HRH1: variants seen among roughly 807,000 people sequenced by gnomAD.
HRH1 encodes histamine receptor H1, also known as histamine H1 receptor.
In HRH1, 6 loss-of-function variants were observed where a neutral mutation model predicts 10.3. That is an observed-to-expected ratio of 0.58 (90% confidence interval 0.32 to 1.15). HRH1 has a LOEUF of 1.15. HRH1 is among the 50% of genes most tolerant of loss of function. The probability of loss-of-function intolerance (pLI) is 0.05; values close to 1 mark genes in which losing one functional copy is unlikely to be tolerated. For missense variants in HRH1, 514 were observed against 615.3 expected (o/e 0.84, Z 1.74); for synonymous variants, 242 against 236.7 (o/e 1.02, Z -0.21).
At chr3:11,195,675 C>G (rs1937628004) in intron 1 of HRH1, among the ~76,000 whole-genome samples, 1 of 152,214 alleles carries the variant, frequency 6.6e-6, no homozygotes, top group Admixed American at 6.5e-5. Context: ...CCAGGACTCT[C>G]TGGGTTGCCA....
intron 1 of HRH1, among the ~76,000 whole-genome samples, chr3:11,188,323 C>G (rs897019045): frequency 1.2e-4 from 18 of 152,120 alleles, no homozygotes; most frequent in Admixed American, 8.5e-4. Context: ...AGAATCAGGC[C>G]AGGTGAGGTG....
At chr3:11,168,561 C>T (rs1445721746) in intron 1 of HRH1, among the ~76,000 whole-genome samples, 5 of 152,200 alleles carry the variant, frequency 3.3e-5, no homozygotes, top group Admixed American at 6.5e-5. Context: ...CCAGTCACCC[C>T]GGTGGACTCA....
chr3:11,221,249 TG>T (rs1321301117), intron 1 of HRH1, among the ~76,000 whole-genome samples: 9 of 152,232 alleles, frequency 5.9e-5, no homozygotes, highest in Non-Finnish European at 2.9e-5. Context: ...TTTTTAATTG[TG>T]GTAAAATATC....
In HRH1 at chr3:11,260,921, A is replaced by C. The variant is rs892092279; in HGVS notation, c.*420A>C. 1 of 184,292 alleles carries C rather than the reference A, an allele frequency of 5.4e-6. No homozygotes were observed. The highest frequency in any genetic ancestry group is 2.4e-5 in the African/African-American group (1 of 41,762). 11.4% of individuals were successfully genotyped at this position (184,292 alleles called of 1,614,324 possible). A position where few individuals can be genotyped will look rare whatever the true frequency, so the allele number is the denominator to read the frequency against. ...ACACGTGGCTAGGGTTCCACTGGAGAATTGAAAAGGACTCTTGAGCCCTCC... is the reference window on the plus strand; with the variant it reads ...ACACGTGGCTAGGGTTCCACTGGAGCATTGAAAAGGACTCTTGAGCCCTCC... On this transcript the variant is annotated 3_prime_UTR_variant, in exon 2 of 2. Transcript: ENST00000431010.
Position 11,250,385 on chromosome 3 carries a change from G to T in HRH1, c.-35-8618G>T, listed in dbSNP as rs1001051408. 2.6e-5 allele frequency among the ~76,000 whole-genome samples: 4 copies of T among 151,964 alleles called. No individual in the cohort carries two copies. In the South Asian group the frequency reaches 6.2e-4, roughly 24 times the overall value. On this transcript the variant is annotated intron_variant, in intron 1 of 1. Coordinates refer to ENST00000431010, the MANE Select transcript of HRH1 (RefSeq NM_001098212.2). ...CTTTTCTCTTTAACGTTACATTTTC[G>T]GGGGTAGGTACTTTGGAGAGGGGTA...
At chr3:11,221,882 G>GA (rs1245328832) in intron 1 of HRH1, among the ~76,000 whole-genome samples, 1 of 152,132 alleles carries the variant, frequency 6.6e-6, no homozygotes, top group African/African-American at 2.4e-5. Flanking sequence ...TTACTTAGCA[G>GA]AATGTCCTCA....
intron 1 of HRH1, among the ~76,000 whole-genome samples, chr3:11,245,578 G>T (rs182940554): frequency 6.6e-6 from 1 of 152,126 alleles, no homozygotes; most frequent in African/African-American, 2.4e-5. Context: ...CATTGGTGTC[G>T]CAGGATGTGC....
intron 1 of HRH1, among the ~76,000 whole-genome samples, chr3:11,225,259 A>G (rs1165421247): frequency 6.6e-6 from 1 of 152,198 alleles, no homozygotes; most frequent in East Asian, 1.9e-4. Flanking sequence ...GGATGCCTTC[A>G]TTTCCTTTTC....
chr3:11,144,933 C>G (rs1936401293), intron 1 of HRH1, among the ~76,000 whole-genome samples: 1 of 152,068 alleles, frequency 6.6e-6, no homozygotes, highest in African/African-American at 2.4e-5. Context: ...CAGTAAATAG[C>G]TCCACCTTGC....
At chr3:11,148,810 CTTTTTTTTTTTTTTT>C (rs755029776) in intron 1 of HRH1, among the ~76,000 whole-genome samples, 1 of 84,418 alleles carries the variant, frequency 1.2e-5, no homozygotes, top group Admixed American at 1.3e-4. Flanking sequence ...AAACCACAGT[CTTTTTTTTTTTTTTT>C]TTTTTTTTTT....
chr3:11,256,281 A>G (rs546556286), intron 1 of HRH1, among the ~76,000 whole-genome samples: 4 of 152,290 alleles, frequency 2.6e-5, no homozygotes, highest in African/African-American at 9.6e-5. Context: ...TACCGCTGTA[A>G]GAAAGAGACC....
chr3:11,176,181 A>AAAAAAAG (rs796312202), intron 1 of HRH1, among the ~76,000 whole-genome samples: 2 of 151,816 alleles, frequency 1.3e-5, no homozygotes, highest in African/African-American at 4.9e-5. Flanking sequence ...AAAAAAAAAA[A>AAAAAAAG]AGAGAGAAAT....
At chr3:11,156,509 A>C (rs758258429) in intron 1 of HRH1, among the ~76,000 whole-genome samples, 10 of 152,168 alleles carry the variant, frequency 6.6e-5, no homozygotes, top group Non-Finnish European at 1.3e-4. Context: ...GCTTTTCCTT[A>C]GCAGAGAAAA....
chr3:11,160,341 G>A (rs1423423423), intron 1 of HRH1, among the ~76,000 whole-genome samples: 2 of 152,148 alleles, frequency 1.3e-5, no homozygotes, highest in East Asian at 3.9e-4. Flanking sequence ...AAAGTGCCAG[G>A]CACTGTCCTA....
At chr3:11,146,468 G>A (rs1368266970) in intron 1 of HRH1, among the ~76,000 whole-genome samples, 2 of 152,206 alleles carry the variant, frequency 1.3e-5, no homozygotes, top group African/African-American at 4.8e-5. Context: ...GCATTGATGA[G>A]ATGGTCCCTA....
chr3:11,211,972 C>T (rs1938340887), intron 1 of HRH1, among the ~76,000 whole-genome samples: 1 of 152,232 alleles, frequency 6.6e-6, no homozygotes, highest in Non-Finnish European at 1.5e-5. Flanking sequence ...CCAGAATCTG[C>T]ATTTTAACGT....
At chr3:11,182,961 C>A (rs1937385766) in intron 1 of HRH1, among the ~76,000 whole-genome samples, 1 of 152,192 alleles carries the variant, frequency 6.6e-6, no homozygotes, top group East Asian at 1.9e-4. Context: ...AAGCACTTTT[C>A]CCTTTTTTTC....
intron 1 of HRH1, among the ~76,000 whole-genome samples, chr3:11,248,459 A>G (rs73121690): frequency 0.019 from 2,848 of 152,236 alleles, 93 homozygotes; most frequent in African/African-American, 0.065. Flanking sequence ...TCTTTTTACA[A>G]TATTCTGTCT....
intron 1 of HRH1, among the ~76,000 whole-genome samples, chr3:11,230,041 A>C (rs960755237): frequency 1.4e-4 from 22 of 152,070 alleles, no homozygotes; most frequent in Non-Finnish European, 2.5e-4. Flanking sequence ...CCCAGGTGAG[A>C]GCAAACTTGA....
Sources: allele counts gnomAD v4.1 joint callset (sites outside exome capture counted in the v4.1 genomes callset), GRCh38; gene constraint gnomAD v4.1.1; transcripts MANE v1.5; gene names NCBI Gene and HGNC (gene_info 2026-07-23, HGNC 2026-07-21).